Variants in SLC24A2 observed in about 807,000 individuals in gnomAD.
The protein encoded by SLC24A2 is solute carrier family 24 member 2, also known as sodium/potassium/calcium exchanger 2.
In SLC24A2, 36 loss-of-function variants were observed where a neutral mutation model predicts 62.0. That is an observed-to-expected ratio of 0.58 (90% CI 0.44 to 0.77). The LOEUF (loss-of-function observed/expected upper bound fraction) is 0.77, where lower values mean the gene tolerates loss of function less well. Ranked by LOEUF, SLC24A2 falls within the 30% of genes least tolerant of loss-of-function variation. SLC24A2 has a pLI of 0.00. For synonymous variants in SLC24A2, 358 were observed against 294.0 expected, an observed-to-expected ratio of 1.22 and a Z score of -2.23; for missense variants, 846 against 817.9, an observed-to-expected ratio of 1.03 and a Z score of -0.42.
At chr9:19,713,610 AG>A (rs1820777786) in intron 2 of SLC24A2, among the ~76,000 whole-genome samples, 1 of 76,632 alleles carries the variant, frequency 1.3e-5, no homozygotes, top group Admixed American at 1.9e-4. Context: ...TTTGATAATG[AG>A]AAGAAGTCCT....
chr9:19,564,295 T>G (rs1266328768), intron 7 of SLC24A2, among the ~76,000 whole-genome samples: 1 of 152,188 alleles, frequency 6.6e-6, no homozygotes, highest in African/African-American at 2.4e-5. Context: ...ATTCTTCACT[T>G]AGTGACATAA....
chr9:19,895,325 G>A, the SLC24A2 span, among the ~76,000 whole-genome samples: 1 of 150,742 alleles, frequency 6.6e-6, no homozygotes, highest in Non-Finnish European at 1.5e-5. Context: ...TACATTTGCT[G>A]TCTTCTCAGG....
the SLC24A2 span, among the ~76,000 whole-genome samples, chr9:20,076,081 G>A: frequency 6.6e-6 from 1 of 152,244 alleles, no homozygotes; most frequent in East Asian, 1.9e-4. Flanking sequence ...TTTCCGTACA[G>A]ATGCAATCAT....
At chr9:20,088,433 G>T in the SLC24A2 span, among the ~76,000 whole-genome samples, 1 of 152,160 alleles carries the variant, frequency 6.6e-6, no homozygotes, top group Non-Finnish European at 1.5e-5. Context: ...CTATGAAGAC[G>T]TGGCCAGACT....
the SLC24A2 span, among the ~76,000 whole-genome samples, chr9:20,258,789 TATC>T: frequency 7.8e-6 from 1 of 128,928 alleles, no homozygotes; most frequent in African/African-American, 3.3e-5. Flanking sequence ...TCTATCTATC[TATC>T]TATCTATCTA....
At chr9:19,745,510 T>G (rs1821806860) in intron 2 of SLC24A2, among the ~76,000 whole-genome samples, 1 of 152,054 alleles carries the variant, frequency 6.6e-6, no homozygotes, top group East Asian at 1.9e-4. Context: ...ACCTAATAAA[T>G]CAGAAACTCT....
chr9:19,546,438 C>T (rs886611669), intron 8 of SLC24A2, among the ~76,000 whole-genome samples: 42 of 152,242 alleles, frequency 2.8e-4, no homozygotes, highest in African/African-American at 8.9e-4. Context: ...TGCTGAGCTG[C>T]AGTGGGCTCC....
the SLC24A2 span, among the ~76,000 whole-genome samples, chr9:19,961,598 C>T: frequency 1.1e-4 from 16 of 152,304 alleles, no homozygotes; most frequent in South Asian, 2.1e-4. Context: ...CTCTAAGATG[C>T]CCCCAATACT....
the SLC24A2 span, among the ~76,000 whole-genome samples, chr9:20,193,001 G>C: frequency 1.3e-5 from 2 of 152,120 alleles, no homozygotes; most frequent in African/African-American, 4.8e-5. Context: ...ACACAGTATA[G>C]TGCTTTTCCA....
chr9:19,972,638 G>A, the SLC24A2 span, among the ~76,000 whole-genome samples: 16,996 of 152,096 alleles, frequency 0.11, 1,342 homozygotes, highest in Non-Finnish European at 0.17. Flanking sequence ...GAAATTTTCT[G>A]CTTGTTGAAT....
At chr9:20,252,862 C>G in the SLC24A2 span, among the ~76,000 whole-genome samples, 1 of 152,246 alleles carries the variant, frequency 6.6e-6, no homozygotes, top group Non-Finnish European at 1.5e-5. Flanking sequence ...CTATTCCTGT[C>G]TGTTATGCCT....
chr9:19,522,097 C>T (rs1833233251), intron 9 of SLC24A2, among the ~76,000 whole-genome samples: 1 of 152,198 alleles, frequency 6.6e-6, no homozygotes, highest in Admixed American at 6.5e-5. Context: ...CAGCCTCAAC[C>T]TCCTGGGCTC....
chr9:19,747,310 C>T (rs574081706), intron 2 of SLC24A2, among the ~76,000 whole-genome samples: 63 of 152,154 alleles, frequency 4.1e-4, no homozygotes, highest in African/African-American at 1.4e-3. Context: ...TCTCTCTCTC[C>T]CATTATATAC....
At chr9:19,652,798 C>T (rs1818837856) in intron 2 of SLC24A2, among the ~76,000 whole-genome samples, 1 of 152,162 alleles carries the variant, frequency 6.6e-6, no homozygotes, top group South Asian at 2.1e-4. Context: ...ATCAGCTTTT[C>T]CTCTTTGTAG....
intron 2 of SLC24A2, among the ~76,000 whole-genome samples, chr9:19,642,577 A>T (rs1020032703): frequency 2.0e-5 from 3 of 152,050 alleles, no homozygotes; most frequent in African/African-American, 4.8e-5. Context: ...AGTTATGCCT[A>T]CAGGTCCTGC....
the SLC24A2 span, among the ~76,000 whole-genome samples, chr9:20,079,136 AAC>A: frequency 6.8e-6 from 1 of 147,206 alleles, no homozygotes; most frequent in East Asian, 2.0e-4. Flanking sequence ...AAGAAGGGAA[AAC>A]ACAGACACAG....
At chr9:20,193,888 G>T in the SLC24A2 span, among the ~76,000 whole-genome samples, 2 of 152,030 alleles carry the variant, frequency 1.3e-5, no homozygotes, top group Non-Finnish European at 2.9e-5. Flanking sequence ...AATCAAAGGG[G>T]CAATGCCAAG....
chr9:20,028,723 C>T, the SLC24A2 span, among the ~76,000 whole-genome samples: 16 of 152,214 alleles, frequency 1.1e-4, no homozygotes, highest in Admixed American at 5.9e-4. Context: ...GGCCCACCTG[C>T]GGCATCTCTT....
At chr9:19,961,023 G>GGTGTGTGTGTGTGTGT in the SLC24A2 span, among the ~76,000 whole-genome samples, 3 of 141,618 alleles carry the variant, frequency 2.1e-5, no homozygotes, top group African/African-American at 8.2e-5. Flanking sequence ...TAGAGGGGTG[G>GGTGTGTGTGTGTGTGT]GTGTGTGTGT....
Sources: allele counts gnomAD v4.1 joint callset (sites outside exome capture counted in the v4.1 genomes callset), GRCh38; gene constraint gnomAD v4.1.1; transcripts MANE v1.5; gene names NCBI Gene and HGNC (gene_info 2026-07-23, HGNC 2026-07-21).